Variants in ZNF385D observed in about 807,000 individuals in gnomAD.
The protein encoded by ZNF385D is zinc finger protein 659.
A neutral mutation model predicts 35.8 loss-of-function variants in ZNF385D; 15 were observed. That is an observed-to-expected ratio of 0.42 (90% CI 0.28 to 0.64). ZNF385D has a LOEUF of 0.64. ZNF385D is among the 30% of genes least tolerant of loss of function. The pLI, the probability that ZNF385D is intolerant of heterozygous loss-of-function variation, is 0.23. For synonymous variants in ZNF385D, 212 were observed against 186.8 expected (o/e 1.13, Z -1.10); for missense variants, 474 against 494.6 (o/e 0.96, Z 0.39).
At chr3:21,743,990 T>A (rs1260385134) in intron 1 of ZNF385D, among the ~76,000 whole-genome samples, 1 of 152,210 alleles carries the variant, frequency 6.6e-6, no homozygotes, top group Non-Finnish European at 1.5e-5. Context: ...GAGAATGTTT[T>A]CAAGTATTAC....
chr3:21,873,923 G>A, intron 3 of ZNF385D, among the ~76,000 whole-genome samples: 1 of 151,330 alleles, frequency 6.6e-6, no homozygotes, highest in Non-Finnish European at 1.5e-5. Context: ...TGGCTATTGT[G>A]AATAATGCTA....
chr3:21,939,697 G>C (rs759253678), intron 3 of ZNF385D, among the ~76,000 whole-genome samples: 8 of 152,134 alleles, frequency 5.3e-5, no homozygotes, highest in Non-Finnish European at 1.2e-4. Flanking sequence ...TTTGTGATGA[G>C]TTCAATAACT....
chr3:21,980,773 G>C (rs1000639412), intron 3 of ZNF385D, among the ~76,000 whole-genome samples: 3 of 152,058 alleles, frequency 2.0e-5, no homozygotes, highest in African/African-American at 7.2e-5. Context: ...GTGTTCATAA[G>C]TTCTTATCAT....
chr3:22,068,349 AC>A (rs745835821), intron 3 of ZNF385D, among the ~76,000 whole-genome samples: 1 of 152,020 alleles, frequency 6.6e-6, no homozygotes, highest in Non-Finnish European at 1.5e-5. Flanking sequence ...GCTACACTTT[AC>A]CGCCTGTCCC....
At chr3:21,681,703 A>AG (rs2066914805) in intron 1 of ZNF385D, among the ~76,000 whole-genome samples, 1 of 150,570 alleles carries the variant, frequency 6.6e-6, no homozygotes, top group South Asian at 2.1e-4. Flanking sequence ...AAAACGAAAA[A>AG]AAAAAAACAA....
In ZNF385D at chr3:22,143,869, T is replaced by C. The variant is rs150138069; in HGVS notation, c.325+24948A>G. 6.5e-3 allele frequency among the ~76,000 whole-genome samples: 985 copies of C among 152,234 alleles called. 11 individuals carry two copies. The highest frequency in any genetic ancestry group is 0.022 in the African/African-American group (933 of 41,494). On this transcript the variant is annotated intron_variant, in intron 3 of 5. Transcript: ENST00000494108. ...TGTAACTACACAATGTATTATTTCT[T>C]TGTCATTAACATCATACACACTAAT...
At chr3:21,423,935 G>C (rs1342511593) in intron 7 of ZNF385D, 28 bp downstream of exon 7, 1 of 1,593,602 alleles carries the variant, frequency 6.3e-7, no homozygotes, top group South Asian at 1.1e-5. Flanking sequence ...TGGGAATAGA[G>C]GCTGGACTCT....
At chr3:21,695,057 T>C (rs2067423035) in intron 1 of ZNF385D, among the ~76,000 whole-genome samples, 1 of 152,186 alleles carries the variant, frequency 6.6e-6, no homozygotes, top group South Asian at 2.1e-4. Context: ...GAACATTATA[T>C]TGAAGATGAG....
At chr3:22,087,421 G>C (rs549767372) in intron 3 of ZNF385D, among the ~76,000 whole-genome samples, 1 of 152,214 alleles carries the variant, frequency 6.6e-6, no homozygotes, top group African/African-American at 2.4e-5. Context: ...TCTCCCCAAA[G>C]GGAGTATATG....
At position 22,243,477 on chromosome 3, in the gene ZNF385D, T is replaced by C. The variant is rs145795403; in HGVS notation, c.107-74442A>G. Reference sequence around the variant, plus strand: ...CTGAACAAAATGTAATTATACCCTATAGCAACGAGAAGCTACTAAAGATTT... The same window carrying C: ...CTGAACAAAATGTAATTATACCCTACAGCAACGAGAAGCTACTAAAGATTT... On this transcript the variant is annotated intron_variant, in intron 2 of 5. Coordinates refer to the ZNF385D transcript ENST00000494108. Among the ~76,000 whole-genome samples the C allele has an allele frequency of 4.3e-3, 648 of 151,100 alleles. 39 individuals carry two copies. Among genetic ancestry groups the C allele is most frequent in the African/African-American group, 0.015 (608 of 40,952 alleles).
At chr3:22,303,482 C>T (rs1354209298) in intron 2 of ZNF385D, among the ~76,000 whole-genome samples, 1 of 152,056 alleles carries the variant, frequency 6.6e-6, no homozygotes, top group African/African-American at 2.4e-5. Flanking sequence ...TATCTTGCCT[C>T]CTTTCTTTTT....
rs1701816749 is a variant in ZNF385D at position 21,946,897 on chromosome 3, A to AT, written c.325+221919dup. Among the ~76,000 whole-genome samples, 4 of 152,234 alleles carry AT rather than the reference A, an allele frequency of 2.6e-5. No individual in the cohort carries two copies. The South Asian group carries it at 8.3e-4, about 31-fold the overall frequency. On this transcript the variant is annotated intron_variant, in intron 3 of 5. Coordinates refer to the ZNF385D transcript ENST00000494108. ...ATTTTGAAGCATCTTCCACAAAAAC[A>AT]TTTTTAAGAAGCCATATCACATTGC... is the stretch of plus-strand genomic sequence containing the variant.
At chr3:21,694,568 T>G (rs2125358043) in intron 1 of ZNF385D, among the ~76,000 whole-genome samples, 1 of 152,256 alleles carries the variant, frequency 6.6e-6, no homozygotes, top group South Asian at 2.1e-4. Context: ...CATCCCTTGC[T>G]CGATAGAGAA....
At chr3:21,939,166 C>G (rs894536224) in intron 3 of ZNF385D, among the ~76,000 whole-genome samples, 3 of 152,164 alleles carry the variant, frequency 2.0e-5, no homozygotes, top group African/African-American at 7.2e-5. Context: ...GGTAAAGTCC[C>G]TATATTTGCC....
intron 3 of ZNF385D, among the ~76,000 whole-genome samples, chr3:22,119,821 C>T (rs1702995280): frequency 6.6e-6 from 1 of 151,832 alleles, no homozygotes; most frequent in African/African-American, 2.4e-5. Context: ...TATTCAGCAT[C>T]TACTGCATAT....
intron 3 of ZNF385D, among the ~76,000 whole-genome samples, chr3:21,812,618 C>G (rs1039952620): frequency 1.3e-5 from 2 of 152,304 alleles, no homozygotes; most frequent in African/African-American, 2.4e-5. Context: ...AGTCCGAGAT[C>G]GAACTGCAAG....
At chr3:21,559,188 T>G (rs1280129350) in intron 3 of ZNF385D, among the ~76,000 whole-genome samples, 2 of 152,156 alleles carry the variant, frequency 1.3e-5, no homozygotes, top group African/African-American at 4.8e-5. Flanking sequence ...TATTGTTATG[T>G]GTGAATTTGA....
chr3:22,183,497 A>G (rs1268971229), intron 2 of ZNF385D, among the ~76,000 whole-genome samples: 6 of 151,434 alleles, frequency 4.0e-5, no homozygotes, highest in Non-Finnish European at 7.4e-5. Context: ...AGCTGGGACT[A>G]CAGGCACACA....
chr3:22,193,749 C>T (rs930128939), intron 2 of ZNF385D, among the ~76,000 whole-genome samples: 3 of 151,964 alleles, frequency 2.0e-5, no homozygotes, highest in Non-Finnish European at 4.4e-5. Flanking sequence ...TAGGCATTTA[C>T]ATTGTGTTTC....
Sources: gnomAD v4.1 joint callset for allele counts (sites outside exome capture counted in the v4.1 genomes callset) on GRCh38, gnomAD v4.1.1 for gene constraint, MANE v1.5 for transcripts, NCBI Gene and HGNC (gene_info 2026-07-23, HGNC 2026-07-21) for gene names.